The following ZSCAN5A variants were observed in gnomAD, a reference collection of about 807,000 sequenced individuals.
ZSCAN5A encodes the protein zinc finger and SCAN domain-containing protein 5A.
Under a neutral mutation model 23.7 loss-of-function variants are expected in ZSCAN5A, and 12 were observed. The observed-to-expected ratio is 0.51, with a 90% CI of 0.32 to 0.82. The LOEUF is 0.82. ZSCAN5A is among the 40% of genes least tolerant of loss of function. ZSCAN5A has a pLI of 0.03. For missense variants in ZSCAN5A, 597 were observed against 617.9 expected, an observed-to-expected ratio of 0.97 and a Z score of 0.36; for synonymous variants, 257 against 239.9, an observed-to-expected ratio of 1.07 and a Z score of -0.66.
intron 2 of ZSCAN5A, among the ~76,000 whole-genome samples, chr19:56,280,178 C>T (rs1158187682): frequency 2.0e-5 from 3 of 152,138 alleles, no homozygotes; most frequent in African/African-American, 7.2e-5. Flanking sequence ...ACAAAAAAGA[C>T]AGCGTATTAT....
chr19:56,284,498 G>C (rs1007704933), intron 2 of ZSCAN5A, among the ~76,000 whole-genome samples: 1 of 144,148 alleles, frequency 6.9e-6, no homozygotes, highest in Non-Finnish European at 1.5e-5. Context: ...TTAGAGACAA[G>C]TGATGCTTGC....
chr19:56,242,420 G>A (rs1421721952), intron 2 of ZSCAN5A, among the ~76,000 whole-genome samples: 6 of 152,006 alleles, frequency 3.9e-5, no homozygotes, highest in Non-Finnish European at 7.4e-5. Context: ...CTTATGTTTT[G>A]CACAGGAACT....
Position 56,224,875 on chromosome 19 carries a change from G to T in ZSCAN5A, c.172C>A (p.Pro58Thr), listed in dbSNP as rs1461123353. Reference sequence around the variant, plus strand: ...GTGAGTTTCCTCAGAGCCTGGATGGGGTCCGACTCCTTCGGGCAGCTGAAC... The same window carrying T: ...GTGAGTTTCCTCAGAGCCTGGATGGTGTCCGACTCCTTCGGGCAGCTGAAC... The part of the protein sequence containing the change: ...RMFSCPKESD[P>T]IQALRKLTEL... Residue 58 changes from proline (P) to threonine (T), a missense_variant, in exon 3 of 6, where the codon CCC (proline) becomes ACC (threonine). Physicochemically the swap from Pro to Thr is conservative, Grantham distance 38. Around this residue, in one of 5 missense-constraint regions of ZSCAN5A, gnomAD observed 72 missense variants for 76.8 expected, o/e 0.94. Coordinates refer to ENST00000683990, the MANE Select transcript of ZSCAN5A (RefSeq NM_001322064.3). 6.2e-7 allele frequency: 1 copy of T among 1,614,168 alleles called. No individual in the cohort carries two copies. The highest frequency in any genetic ancestry group is 1.1e-5 in the South Asian group (1 of 91,082).
rs1479155804 is a variant in ZSCAN5A, at chr19:56,245,981, G to A, written c.-127-20808C>T. ...GCAGCCCCAATGCCAGTGGTGCCAG[G>A]GGTTAGGGGCCTCCACCTAGAGTCA... is the stretch of plus-strand genomic sequence containing the variant. On this transcript the variant is annotated intron_variant, in intron 2 of 5. Coordinates refer to ENST00000683990, the MANE Select transcript of ZSCAN5A (RefSeq NM_001322064.3). Among the ~76,000 whole-genome samples, 62 of 152,242 alleles carry A rather than the reference G, an allele frequency of 4.1e-4. 1 individual carries two copies. Among genetic ancestry groups the A allele is most frequent in the Admixed American group, 3.3e-3 (50 of 15,282 alleles).
intron 2 of ZSCAN5A, among the ~76,000 whole-genome samples, chr19:56,307,324 T>C (rs936838581): frequency 6.6e-6 from 1 of 152,172 alleles, no homozygotes; most frequent in Non-Finnish European, 1.5e-5. Context: ...GCTGCAGTCC[T>C]GCTTAAATCC....
intron 2 of ZSCAN5A, among the ~76,000 whole-genome samples, chr19:56,247,698 A>ATATAT (rs2036031948): frequency 1.3e-5 from 2 of 150,874 alleles, no homozygotes; most frequent in Non-Finnish European, 3.0e-5. Flanking sequence ...TCTTTCTTTT[A>ATATAT]TTATTTTTTT....
At chr19:56,292,656 G>C (rs2039596462) in intron 2 of ZSCAN5A, among the ~76,000 whole-genome samples, 1 of 151,692 alleles carries the variant, frequency 6.6e-6, no homozygotes, top group Non-Finnish European at 1.5e-5. Flanking sequence ...CATCACCACT[G>C]ACTCCAGAAC....
intron 2 of ZSCAN5A, among the ~76,000 whole-genome samples, chr19:56,302,452 CT>C: frequency 6.8e-6 from 1 of 146,488 alleles, no homozygotes; most frequent in African/African-American, 2.5e-5. Context: ...TTCTTCCTCT[CT>C]CCGTCTGCTT....
At chr19:56,322,955 C>T (rs2041393072) in intron 2 of ZSCAN5A, among the ~76,000 whole-genome samples, 1 of 140,402 alleles carries the variant, frequency 7.1e-6, no homozygotes, top group African/African-American at 2.7e-5. Flanking sequence ...AGTGCAGTGG[C>T]GCGATCTCTG....
chr19:56,320,220 C>G (rs1478081865), intron 2 of ZSCAN5A: 2 of 600,658 alleles, frequency 3.3e-6, no homozygotes, highest in African/African-American at 1.8e-5. Flanking sequence ...ATTCTGTTCT[C>G]TGCCCATTAG....
intron 2 of ZSCAN5A, among the ~76,000 whole-genome samples, chr19:56,353,837 C>T (rs1352115525): frequency 6.6e-6 from 1 of 151,862 alleles, no homozygotes; most frequent in Admixed American, 6.6e-5. Flanking sequence ...TGATATTGAG[C>T]AGTGGGAGCA....
At chr19:56,324,149 G>A (rs184647871) in intron 2 of ZSCAN5A, among the ~76,000 whole-genome samples, 62 of 151,992 alleles carry the variant, frequency 4.1e-4, no homozygotes, top group Non-Finnish European at 7.4e-4. Context: ...CATAGCCTCC[G>A]GTAACCACCA....
intron 2 of ZSCAN5A, among the ~76,000 whole-genome samples, chr19:56,332,988 A>T (rs2041503023): frequency 6.6e-6 from 1 of 152,210 alleles, no homozygotes; most frequent in South Asian, 2.1e-4. Flanking sequence ...ATAGGCCTTC[A>T]ATCCCTTCCA....
chr19:56,297,356 C>A (rs978905288), intron 2 of ZSCAN5A: 2 of 162,934 alleles, frequency 1.2e-5, no homozygotes, highest in Non-Finnish European at 2.6e-5. Flanking sequence ...CCTTTCTTTT[C>A]TCCTCCTCTT....
chr19:56,255,549 T>C (rs2036636007), intron 2 of ZSCAN5A, among the ~76,000 whole-genome samples: 1 of 151,904 alleles, frequency 6.6e-6, no homozygotes, highest in Non-Finnish European at 1.5e-5. Context: ...CTCTAACGGG[T>C]CCACGTTGAT....
chr19:56,316,921 T>G (rs1415758051), upstream of ZSCAN5A: 1 of 152,282 alleles, frequency 6.6e-6, no homozygotes, highest in Non-Finnish European at 1.5e-5. Context: ...ACTGTAGCCT[T>G]GACCTCCTGG....
intron 2 of ZSCAN5A, chr19:56,303,113 G>T: frequency 2.6e-6 from 1 of 378,336 alleles, no homozygotes; most frequent in Non-Finnish European, 4.7e-6. Context: ...TTGAGGAGGG[G>T]AAGCAGGGGA....
chr19:56,301,391 G>A (rs1369040386), intron 2 of ZSCAN5A, among the ~76,000 whole-genome samples: 1 of 152,090 alleles, frequency 6.6e-6, no homozygotes, highest in Non-Finnish European at 1.5e-5. Flanking sequence ...GAACTGTCAT[G>A]GTACTGGTGG....
intron 2 of ZSCAN5A, among the ~76,000 whole-genome samples, chr19:56,310,688 A>C (rs2040982736): frequency 6.6e-6 from 1 of 152,210 alleles, no homozygotes; most frequent in Non-Finnish European, 1.5e-5. Context: ...GGCTGCCCCC[A>C]CCGTCCTGAG....
Sources: gnomAD v4.1 joint callset for allele counts (sites outside exome capture counted in the v4.1 genomes callset) on GRCh38, gnomAD v4.1.1 for gene constraint, gnomAD v4.1.1 regional missense constraint, MANE v1.5 for transcripts, NCBI Gene and HGNC (gene_info 2026-07-23, HGNC 2026-07-21) for gene names.